LYSET: variants seen among roughly 807,000 people sequenced by gnomAD.
LYSET encodes the protein lysosomal enzyme trafficking factor.
the LYSET span, chr14:93,185,325 C>A: frequency 3.6e-6 from 5 of 1,385,532 alleles, no homozygotes; most frequent in East Asian, 2.3e-5. Context: ...TCACTAGTAG[C>A]TGGTGCTCCA....
the LYSET span, among the ~76,000 whole-genome samples, chr14:93,186,083 A>G: frequency 6.6e-6 from 1 of 151,818 alleles, no homozygotes; most frequent in African/African-American, 2.4e-5. Context: ...GTTAGCCAGG[A>G]TGGTCTCTAT....
At chr14:93,185,828 A>G in the LYSET span, among the ~76,000 whole-genome samples, 6 of 147,670 alleles carry the variant, frequency 4.1e-5, no homozygotes, top group African/African-American at 1.5e-4. Context: ...TAATTTAATT[A>G]TTTTAAATCT....
At chr14:93,186,936 C>T in the LYSET span, 3 of 430,616 alleles carry the variant, frequency 7.0e-6, no homozygotes, top group East Asian at 1.1e-4. Context: ...AGAAACTTGA[C>T]TAAGTACCTG....
the LYSET span, chr14:93,186,561 A>G: frequency 6.2e-7 from 1 of 1,614,206 alleles, no homozygotes; most frequent in Non-Finnish European, 8.5e-7. Flanking sequence ...TGATCCCAAA[A>G]CAGTGGGCTA....
the LYSET span, chr14:93,186,144 C>T: frequency 6.0e-6 from 6 of 993,084 alleles, no homozygotes; most frequent in Non-Finnish European, 8.9e-6. Flanking sequence ...GCTGGGATTA[C>T]AGGCGCGAGC....
chr14:93,186,781 G>A, the LYSET span: 9 of 1,242,284 alleles, frequency 7.2e-6, no homozygotes, highest in Non-Finnish European at 1.0e-5. Context: ...GTGGGGCAGA[G>A]GCTTTTTAAA....
the LYSET span, chr14:93,186,296 G>A: frequency 6.2e-7 from 1 of 1,613,888 alleles, no homozygotes; most frequent in African/African-American, 1.3e-5. Context: ...TCCGTCAGCG[G>A]ATGGGATGGA....
the LYSET span, chr14:93,186,326 G>A: frequency 3.1e-5 from 50 of 1,614,100 alleles, no homozygotes; most frequent in Non-Finnish European, 3.6e-5. Context: ...GATTGTATCT[G>A]TTAGCCAGTG....
chr14:93,186,591 T>C, the LYSET span: 155 of 1,614,100 alleles, frequency 9.6e-5, no homozygotes, highest in Admixed American at 1.3e-4. Context: ...CCCTATATGC[T>C]TGGCAGTTAT....
At chr14:93,187,717 C>T in the LYSET span, among the ~76,000 whole-genome samples, 3 of 152,246 alleles carry the variant, frequency 2.0e-5, no homozygotes, top group East Asian at 1.9e-4. Flanking sequence ...CTGGAACCTT[C>T]GGCTCACTGC....
chr14:93,185,420 C>T, the LYSET span: 1 of 1,612,938 alleles, frequency 6.2e-7, no homozygotes, highest in Non-Finnish European at 8.5e-7. Context: ...CAAAGCCACC[C>T]GATTATTCAG....
the LYSET span, among the ~76,000 whole-genome samples, chr14:93,185,942 C>T: frequency 0.084 from 12,628 of 150,544 alleles, 1,433 homozygotes; most frequent in African/African-American, 0.26. Context: ...GATCTCGGCT[C>T]TCTGCAAGCT....
chr14:93,186,183 A>T, the LYSET span: 14 of 1,419,080 alleles, frequency 9.9e-6, no homozygotes, highest in Non-Finnish European at 1.3e-5. Context: ...ATTCTTGGAG[A>T]TAAAGCAAGT....
At chr14:93,186,378 A>G in the LYSET span, 1 of 1,614,240 alleles carries the variant, frequency 6.2e-7, no homozygotes, top group Admixed American at 1.7e-5. Context: ...TGAGACTTAC[A>G]ACAGGCTGGC....
chr14:93,186,686 T>C, the LYSET span: 1 of 1,570,962 alleles, frequency 6.4e-7, no homozygotes, highest in Non-Finnish European at 8.6e-7. Context: ...AGTCACCGTT[T>C]TTTCCCTACG....
chr14:93,186,831 G>A, the LYSET span: 2 of 693,686 alleles, frequency 2.9e-6, no homozygotes, highest in African/African-American at 1.8e-5. Flanking sequence ...GAATAATAAC[G>A]AATTTTTAGG....
At chr14:93,186,944 C>T in the LYSET span, 1 of 416,638 alleles carries the variant, frequency 2.4e-6, no homozygotes, top group East Asian at 3.8e-5. Context: ...GACTAAGTAC[C>T]TGAATTCATA....
At chr14:93,186,249 T>C in the LYSET span, 1 of 1,592,984 alleles carries the variant, frequency 6.3e-7, no homozygotes, top group South Asian at 1.1e-5. Flanking sequence ...ATTTTCTTTT[T>C]TAATTTGAAG....
the LYSET span, among the ~76,000 whole-genome samples, chr14:93,185,868 CTT>C: frequency 2.1e-5 from 3 of 141,754 alleles, no homozygotes; most frequent in Admixed American, 7.0e-5. Context: ...TTTTAGAATT[CTT>C]TTTTTTTTTT....
Sources: gnomAD v4.1 joint callset for allele counts (sites outside exome capture counted in the v4.1 genomes callset) on GRCh38, gnomAD v4.1.1 for gene constraint, MANE v1.5 for transcripts, NCBI Gene and HGNC (gene_info 2026-07-23, HGNC 2026-07-21) for gene names.